Variants in NRXN3 observed in about 807,000 individuals in gnomAD.
NRXN3 encodes neurexin III.
A neutral mutation model predicts 137.6 loss-of-function variants in NRXN3; 32 were observed. That is an observed-to-expected ratio of 0.23 (90% CI 0.18 to 0.31). The LOEUF is 0.31. Ranked by LOEUF, NRXN3 falls within the 10% of genes least tolerant of loss-of-function variation. The pLI is 1.00. For synonymous variants in NRXN3, 798 were observed against 784.5 expected (o/e 1.02, Z -0.29); for missense variants, 1,574 against 2,062.5 (o/e 0.76, Z 4.59).
At chr14:78,173,964 C>T (rs777246239) in intron 1 of NRXN3, among the ~76,000 whole-genome samples, 37 of 152,084 alleles carry the variant, frequency 2.4e-4, no homozygotes, top group Non-Finnish European at 4.9e-4. Context: ...ACTGCGGTCA[C>T]GTTAGAGCCT....
intron 4 of NRXN3, among the ~76,000 whole-genome samples, chr14:78,455,330 C>A (rs1280617149): frequency 6.6e-6 from 1 of 152,182 alleles, no homozygotes; most frequent in Non-Finnish European, 1.5e-5. Flanking sequence ...GACACACATG[C>A]TAAGGATGGA....
At chr14:79,684,984 A>G (rs1035326526) in intron 17 of NRXN3, among the ~76,000 whole-genome samples, 2 of 152,158 alleles carry the variant, frequency 1.3e-5, no homozygotes, top group South Asian at 2.1e-4. Context: ...GAAATAAGTG[A>G]TAAGAGGAAA....
chr14:79,767,510 T>G (rs555473073), intron 19 of NRXN3, among the ~76,000 whole-genome samples: 5 of 152,204 alleles, frequency 3.3e-5, no homozygotes, highest in Non-Finnish European at 7.3e-5. Flanking sequence ...AGTGACACAT[T>G]TGTGTAATTA....
chr14:78,238,410 GGT>G (rs2066630477), intron 1 of NRXN3, among the ~76,000 whole-genome samples: 2 of 152,194 alleles, frequency 1.3e-5, no homozygotes, highest in African/African-American at 4.8e-5. Context: ...TTCAGTAGAG[GGT>G]GGCAGTTGTC....
chr14:79,043,196 T>C (rs2099627837), intron 15 of NRXN3, among the ~76,000 whole-genome samples: 1 of 152,200 alleles, frequency 6.6e-6, no homozygotes, highest in South Asian at 2.1e-4. Context: ...TTAATAAGCA[T>C]GTACAATTTA....
chr14:79,197,555 CT>C (rs34453011), intron 15 of NRXN3, among the ~76,000 whole-genome samples: 2,578 of 146,750 alleles, frequency 0.018, 71 homozygotes, highest in African/African-American at 0.059. Context: ...TCTGTAATTT[CT>C]TTTTTTTTTT....
chr14:78,628,389 A>G (rs983119935), intron 4 of NRXN3, among the ~76,000 whole-genome samples: 4 of 152,166 alleles, frequency 2.6e-5, no homozygotes, highest in Admixed American at 6.5e-5. Context: ...CAATTTTTTT[A>G]TACTTCACAA....
At position 78,243,371 on chromosome 14, in the gene NRXN3, G is replaced by C; in HGVS notation, c.278G>C (p.Cys93Ser). Residue 93 changes from cysteine to serine, a missense_variant, in exon 2 of 21, where the codon TGT (cysteine) becomes TCT (serine). Physicochemically the swap from Cys to Ser is moderately radical, Grantham distance 112. Transcript: ENST00000335750. This position sits in a 1 kb window ranked among gnomAD's most constrained non-coding sequence, Gnocchi z 4.2. ...GRVQLRFSMD[C>S]AETAVLSNKQ... Reference sequence around the variant, plus strand: ...GTTCAGCTCCGCTTCAGCATGGACTGTGCCGAGACTGCCGTGCTGTCCAAC... The same window carrying C: ...GTTCAGCTCCGCTTCAGCATGGACTCTGCCGAGACTGCCGTGCTGTCCAAC... The C allele has an allele frequency of 6.4e-7, 1 of 1,564,628 alleles. No homozygotes were observed. The highest frequency in any genetic ancestry group is 8.6e-7 in the Non-Finnish European group (1 of 1,162,776).
At chr14:79,160,004 A>G (rs1267403860) in intron 15 of NRXN3, among the ~76,000 whole-genome samples, 1 of 151,924 alleles carries the variant, frequency 6.6e-6, no homozygotes, top group East Asian at 1.9e-4. Flanking sequence ...TTGGAATGAA[A>G]TGGCTTGCAG....
rs376832015 is a variant in NRXN3 at position 79,663,963 on chromosome 14, G to A, written c.3616+14G>A. ...ATTATCCTACAGGTACATGTTGTTC[G>A]CTCAATGGTCCTACTCTTTTTGACT... On this transcript the variant is annotated intron_variant, in intron 17 of 20. Transcript: ENST00000335750. The A allele has an allele frequency of 3.3e-5, 53 of 1,612,514 alleles. No homozygotes were observed. In the East Asian group the frequency reaches 3.8e-4, roughly 12 times the overall value.
intron 14 of NRXN3, among the ~76,000 whole-genome samples, chr14:78,972,034 T>C (rs781172460): frequency 5.9e-5 from 9 of 152,238 alleles, no homozygotes; most frequent in Non-Finnish European, 1.2e-4. Context: ...ATAATTTAGA[T>C]ATTAAGTGCA....
At chr14:79,550,598 C>T (rs2008386) in intron 16 of NRXN3, among the ~76,000 whole-genome samples, 1 of 152,042 alleles carries the variant, frequency 6.6e-6, no homozygotes, top group African/African-American at 2.4e-5. Flanking sequence ...TGGGCATTCA[C>T]AGTAGTCCAG....
chr14:79,669,152 A>G (rs2098590878), intron 17 of NRXN3: 3 of 152,072 alleles, frequency 2.0e-5, no homozygotes, highest in African/African-American at 7.2e-5. Context: ...CTGCTCATTC[A>G]TCCGTTCAGG....
chr14:78,505,537 C>T (rs2095971066), intron 4 of NRXN3, among the ~76,000 whole-genome samples: 1 of 151,994 alleles, frequency 6.6e-6, no homozygotes, highest in African/African-American at 2.4e-5. Flanking sequence ...GAGCAAATTT[C>T]AAATGTCTTA....
chr14:79,228,423 G>T (rs1365907903), intron 15 of NRXN3, among the ~76,000 whole-genome samples: 1 of 152,160 alleles, frequency 6.6e-6, no homozygotes, highest in Non-Finnish European at 1.5e-5. Flanking sequence ...ATTAGGTTTA[G>T]ATGTGATGAA....
At chr14:79,086,954 G>T (rs1268092589) in intron 15 of NRXN3, among the ~76,000 whole-genome samples, 1 of 152,162 alleles carries the variant, frequency 6.6e-6, no homozygotes, top group African/African-American at 2.4e-5. Flanking sequence ...AAGAGCTCAG[G>T]TGATTATGGT....
intron 16 of NRXN3, among the ~76,000 whole-genome samples, chr14:79,634,381 G>C (rs142032932): frequency 1.3e-5 from 2 of 152,248 alleles, no homozygotes; most frequent in Admixed American, 6.5e-5. Context: ...GATAGGTTAC[G>C]TATGGAAAAA....
chr14:79,115,325 CA>C (rs11426637), intron 15 of NRXN3, among the ~76,000 whole-genome samples: 21 of 131,158 alleles, frequency 1.6e-4, no homozygotes, highest in Non-Finnish European at 1.9e-4. Flanking sequence ...AACTCTGTCT[CA>C]AAAAAAAAAA....
chr14:78,258,087 C>T (rs1197039265), intron 2 of NRXN3, among the ~76,000 whole-genome samples: 4 of 152,100 alleles, frequency 2.6e-5, no homozygotes, highest in Non-Finnish European at 5.9e-5. Context: ...TTCCATTTTG[C>T]CATCTGTGAA....
Sources: allele counts gnomAD v4.1 joint callset (sites outside exome capture counted in the v4.1 genomes callset), GRCh38; gene constraint gnomAD v4.1.1; non-coding constraint Gnocchi (gnomAD v3.1); transcripts MANE v1.5; gene names NCBI Gene and HGNC (gene_info 2026-07-23, HGNC 2026-07-21).